The following ACOT7 variants were observed in gnomAD, a reference collection of about 807,000 sequenced individuals.
ACOT7 encodes the protein acyl-CoA thioesterase 7.
A neutral mutation model predicts 40.2 loss-of-function variants in ACOT7; 12 were observed. That is an observed-to-expected ratio of 0.30 (90% CI 0.19 to 0.48). ACOT7 has a LOEUF of 0.48. Among genes scored for constraint, ACOT7 ranks in the 20% least tolerant of loss-of-function variants. ACOT7 has a pLI of 0.99. For missense variants in ACOT7, 395 were observed against 530.8 expected (o/e 0.74, Z 2.51); for synonymous variants, 228 against 219.5 (o/e 1.04, Z -0.34).
chr1:6,321,371 C>A (rs1396211823), intron 5 of ACOT7, among the ~76,000 whole-genome samples: 2 of 152,216 alleles, frequency 1.3e-5, no homozygotes, highest in Non-Finnish European at 2.9e-5. Context: ...AGGAACCACA[C>A]CCAACGTTCT....
At chr1:6,324,618 G>C (rs1222230878) in intron 5 of ACOT7, among the ~76,000 whole-genome samples, 12 of 152,046 alleles carry the variant, frequency 7.9e-5, no homozygotes, top group Non-Finnish European at 1.5e-4. Context: ...CACACCCCCC[G>C]GGGTCTGGCA....
intron 1 of ACOT7, among the ~76,000 whole-genome samples, chr1:6,353,207 T>G (rs569087868): frequency 1.3e-5 from 2 of 151,764 alleles, no homozygotes; most frequent in South Asian, 4.2e-4. Flanking sequence ...GCGCAGTGGC[T>G]ACTAGGGAGG....
At chr1:6,271,418 G>C (rs537463880) in intron 8 of ACOT7, among the ~76,000 whole-genome samples, 1 of 152,322 alleles carries the variant, frequency 6.6e-6, no homozygotes, top group Non-Finnish European at 1.5e-5. Context: ...GACAAGAGGG[G>C]TCTTGGGATA....
At chr1:6,305,104 G>A (rs1208293590) in intron 6 of ACOT7, among the ~76,000 whole-genome samples, 1 of 136,234 alleles carries the variant, frequency 7.3e-6, no homozygotes, top group African/African-American at 2.7e-5. Flanking sequence ...CGGATGGGGC[G>A]GCTGGCCGGG....
At chr1:6,348,744 G>C (rs1302642183) in intron 2 of ACOT7, among the ~76,000 whole-genome samples, 1 of 152,222 alleles carries the variant, frequency 6.6e-6, no homozygotes, top group Admixed American at 6.5e-5. Flanking sequence ...AAGCCAGCAG[G>C]CTGTGGTCTT....
chr1:6,321,690 A>G (rs1304103309), intron 5 of ACOT7, among the ~76,000 whole-genome samples: 2 of 151,996 alleles, frequency 1.3e-5, no homozygotes, highest in East Asian at 1.9e-4. Flanking sequence ...AATTTTTTGT[A>G]TTTTTAGTAG....
At chr1:6,385,849 C>T (rs1022989673) in intron 1 of ACOT7, 15 of 1,409,046 alleles carry the variant, frequency 1.1e-5, no homozygotes, top group Middle Eastern at 2.6e-4. Context: ...GCCGCCTCCT[C>T]GGCTTCCGGA....
intron 3 of ACOT7, among the ~76,000 whole-genome samples, chr1:6,337,045 C>T (rs1362131144): frequency 6.6e-6 from 1 of 152,234 alleles, no homozygotes; most frequent in Non-Finnish European, 1.5e-5. Context: ...ACCTGGGGCA[C>T]CGCCCAGCCC....
chr1:6,362,138 G>A (rs143031264), intron 1 of ACOT7, among the ~76,000 whole-genome samples: 1 of 152,220 alleles, frequency 6.6e-6, no homozygotes, highest in African/African-American at 2.4e-5. Context: ...AAGCTAAAAA[G>A]TCAAGAGGTG....
intron 8 of ACOT7, among the ~76,000 whole-genome samples, chr1:6,264,999 G>A (rs888340391): frequency 2.6e-4 from 40 of 152,346 alleles, no homozygotes; most frequent in Middle Eastern, 3.4e-3. Flanking sequence ...AGGGCATGGC[G>A]GGTCAGAAGC....
intron 1 of ACOT7, among the ~76,000 whole-genome samples, chr1:6,386,752 G>A (rs1025712732): frequency 2.6e-5 from 4 of 152,126 alleles, no homozygotes; most frequent in Non-Finnish European, 2.9e-5. Flanking sequence ...CCAGCTACTC[G>A]AGAGGCTGAG....
chr1:6,386,509 G>A (rs918278527), intron 1 of ACOT7, among the ~76,000 whole-genome samples: 10 of 152,110 alleles, frequency 6.6e-5, no homozygotes, highest in Non-Finnish European at 1.3e-4. Context: ...GGATTTCCCA[G>A]TACGACATCG....
chr1:6,353,847 C>G (rs1273280704), intron 1 of ACOT7, among the ~76,000 whole-genome samples: 1 of 152,106 alleles, frequency 6.6e-6, no homozygotes, highest in Non-Finnish European at 1.5e-5. Flanking sequence ...CCTCTGACCC[C>G]AGAAACTTCA....
rs1639613797 is a variant in ACOT7 at position 6,289,778 on chromosome 1, CT to C, written c.829+5085del. 6.6e-6 allele frequency among the ~76,000 whole-genome samples: 1 copy of C among 152,176 alleles called. No individual in the cohort carries two copies. The highest frequency in any genetic ancestry group is 2.4e-5 in the African/African-American group (1 of 41,416). ...ACCCCTGGCTTAAGCAATCCTCCTA[CT>C]TTAGCATCCTAAGTAGCCAAAACTA... On this transcript the variant is annotated intron_variant, in intron 7 of 8. Coordinates refer to ENST00000361521, the MANE Select transcript of ACOT7 (RefSeq NM_007274.4). The surrounding 1 kb of genome is among the most constrained non-coding windows in gnomAD (Gnocchi z 4.6).
chr1:6,332,374 A>C (rs1640979362), intron 4 of ACOT7, among the ~76,000 whole-genome samples: 1 of 152,174 alleles, frequency 6.6e-6, no homozygotes, highest in Non-Finnish European at 1.5e-5. Flanking sequence ...CAGGAGAAGG[A>C]GGCGAGGGAG....
At position 6,350,312 on chromosome 1, in the gene ACOT7, G is replaced by A. The variant is rs1040703619; in HGVS notation, c.144-446C>T. ...AGTCCCAGAGAAGCCAGGTAGCCAC[G>A]GCTGTTCTGAGAACTAAACATGAGT... On this transcript the variant is annotated intron_variant, in intron 1 of 8. Transcript: ENST00000361521. Among the ~76,000 whole-genome samples, 3 of 152,174 alleles carry A rather than the reference G, an allele frequency of 2.0e-5. No individual in the cohort carries two copies. The South Asian group carries it at 6.2e-4, about 32-fold the overall frequency.
chr1:6,339,888 C>G (rs779822575), intron 2 of ACOT7, among the ~76,000 whole-genome samples: 1 of 150,244 alleles, frequency 6.7e-6, no homozygotes, highest in African/African-American at 2.5e-5. Flanking sequence ...TACAGGCGCC[C>G]GCTGGGACTA....
At chr1:6,365,317 C>T (rs1411900320) in intron 1 of ACOT7, among the ~76,000 whole-genome samples, 1 of 152,042 alleles carries the variant, frequency 6.6e-6, no homozygotes, top group South Asian at 2.1e-4. Context: ...AGAGATATTA[C>T]GGGTTTGGTT....
chr1:6,356,092 A>C (rs1641735656), intron 1 of ACOT7, among the ~76,000 whole-genome samples: 1 of 152,226 alleles, frequency 6.6e-6, no homozygotes, highest in Non-Finnish European at 1.5e-5. Flanking sequence ...GATACAATCA[A>C]GATGAGGTCG....
Sources: allele counts gnomAD v4.1 joint callset (sites outside exome capture counted in the v4.1 genomes callset), GRCh38; gene constraint gnomAD v4.1.1; non-coding constraint Gnocchi (gnomAD v3.1); transcripts MANE v1.5; gene names NCBI Gene and HGNC (gene_info 2026-07-23, HGNC 2026-07-21).